The following SREBF2 variants were observed in gnomAD, a reference collection of about 807,000 sequenced individuals.
The protein encoded by SREBF2 is sterol regulatory element binding transcription factor 2, also known as sterol regulatory element-binding protein 2.
Under a neutral mutation model 113.1 loss-of-function variants are expected in SREBF2, and 55 were observed. That is an observed-to-expected ratio of 0.49 (90% CI 0.39 to 0.61). SREBF2 has a LOEUF of 0.61. SREBF2 is among the 20% of genes least tolerant of loss of function. The pLI is 0.00. For synonymous variants in SREBF2, 593 were observed against 605.7 expected, an observed-to-expected ratio of 0.98 and a Z score of 0.31; for missense variants, 1,349 against 1,487.4, an observed-to-expected ratio of 0.91 and a Z score of 1.53.
intron 1 of SREBF2, among the ~76,000 whole-genome samples, chr22:41,840,253 C>T (rs1301940621): frequency 1.3e-5 from 2 of 152,068 alleles, no homozygotes; most frequent in African/African-American, 2.4e-5. Flanking sequence ...CCACCGCGCC[C>T]GGCCCACATG....
At chr22:41,905,083 ACCT>A in intron 18 of SREBF2, 109 bp downstream of exon 18, 1 of 1,038,970 alleles carries the variant, frequency 9.6e-7, no homozygotes, top group Non-Finnish European at 1.4e-6. Context: ...TGCCCAGCAC[ACCT>A]CTCGCCTCTC....
At chr22:41,885,151 G>A (rs548423422) in intron 11 of SREBF2, 140 bp downstream of exon 11, 18 of 1,067,218 alleles carry the variant, frequency 1.7e-5, no homozygotes, top group East Asian at 5.2e-5. Flanking sequence ...TCATTCAGTC[G>A]CTCATTTCAC....
Position 41,852,817 on chromosome 22 carries a change from A to G in SREBF2, c.89-14014A>G, listed in dbSNP as rs143024063. Among the ~76,000 whole-genome samples the G allele has an allele frequency of 5.3e-3, 715 of 135,738 alleles. 8 individuals carry two copies. The highest frequency in any genetic ancestry group is 0.017 in the African/African-American group (626 of 36,254). The allele number at this position is 135,738 out of a possible 152,430, so 89.0% of individuals were successfully genotyped here. On this transcript the variant is annotated intron_variant, in intron 1 of 18. Coordinates refer to ENST00000361204, the MANE Select transcript of SREBF2 (RefSeq NM_004599.4). ...TTTGCCTAGGCTGGAGTGCAGTGGC[A>G]CAGTCTCAGCTCACTGCACCCTCCA...
At chr22:41,844,489 T>G (rs1391070457) in intron 1 of SREBF2, among the ~76,000 whole-genome samples, 1 of 152,186 alleles carries the variant, frequency 6.6e-6, no homozygotes, top group African/African-American at 2.4e-5. Context: ...CATGATGGAA[T>G]TTTTTAGAGT....
chr22:41,843,560 G>T (rs1336237464), intron 1 of SREBF2, among the ~76,000 whole-genome samples: 1 of 152,162 alleles, frequency 6.6e-6, no homozygotes, highest in Non-Finnish European at 1.5e-5. Context: ...ATGGAACAGT[G>T]GCCTAAATCC....
At chr22:41,879,592 G>A (rs2077227074) in intron 9 of SREBF2, among the ~76,000 whole-genome samples, 2 of 152,216 alleles carry the variant, frequency 1.3e-5, no homozygotes, top group South Asian at 2.1e-4. Context: ...GCAAATGCAG[G>A]TCCTTCTGGC....
At chr22:41,894,690 G>T in intron 12 of SREBF2, 130 bp from the exon 13 acceptor site, 2 of 823,136 alleles carry the variant, frequency 2.4e-6, no homozygotes, top group Non-Finnish European at 4.3e-6. Context: ...AGTAGTTCTG[G>T]GCTTTGGTGG....
rs889778163 is a variant in SREBF2 at position 41,893,019 on chromosome 22, C to T, written c.2209-98C>T. 2.7e-6 allele frequency: 4 copies of T among 1,455,420 alleles called. No individual in the cohort carries two copies. The Admixed American group carries it at 5.0e-5, about 18-fold the overall frequency. 90.2% of individuals were successfully genotyped at this position (1,455,420 alleles called of 1,614,324 possible). A position where few individuals can be genotyped will look rare whatever the true frequency, so the allele number is the denominator to read the frequency against. ...TGTGCTGATCTTTCCCAGTCTCCCC[C>T]AAAGCCCACCTCCACCATGGTGCTT... On this transcript the variant is annotated intron_variant, in intron 11 of 18. Transcript: ENST00000361204.
chr22:41,868,820 G>T (rs944408091), intron 3 of SREBF2, 28 bp downstream of exon 3: 1 of 1,583,250 alleles, frequency 6.3e-7, no homozygotes, highest in Admixed American at 1.8e-5. Flanking sequence ...ATTCAGGGAG[G>T]CACTGGTTGG....
rs373680115 is a variant in SREBF2 at position 41,875,572 on chromosome 22, C to T, written c.1234C>T (p.Leu412=). ...TCTAAAGGGCATCGACCTAGGCAGT[C>T]TGGTGGACAATGAGGTGGACCTGAA... ...KLLKGIDLGS[L]VDNEVDLKIE... The change falls in exon 7 of 19, where the codon CTG becomes TTG. Residue 412 remains leucine, a synonymous_variant. Coordinates refer to ENST00000361204, the MANE Select transcript of SREBF2 (RefSeq NM_004599.4). 6.2e-7 allele frequency: 1 copy of T among 1,614,230 alleles called. No individual in the cohort carries two copies.
rs1256665685 is a variant in SREBF2, at chr22:41,833,249, G to T, written c.-22G>T. On this transcript the variant is annotated 5_prime_UTR_variant, in exon 1 of 19. Coordinates refer to ENST00000361204, the MANE Select transcript of SREBF2 (RefSeq NM_004599.4). The surrounding 1 kb of genome is among the most constrained non-coding windows in gnomAD (Gnocchi z 4.1). ...TCTCCCTGAGCGGGACGGCAGGGGG[G>T]GCTTCTGCGCTGAGCCGGGCGATGG... The T allele has an allele frequency of 6.6e-6, 10 of 1,514,496 alleles. No homozygotes were observed. Among genetic ancestry groups the T allele is most frequent in the African/African-American group, 4.3e-5 (3 of 69,752 alleles). 93.8% of individuals were successfully genotyped at this position (1,514,496 alleles called of 1,614,324 possible). A position where few individuals can be genotyped will look rare whatever the true frequency, so the allele number is the denominator to read the frequency against.
At position 41,833,269 on chromosome 22, in the gene SREBF2, C is replaced by A; in HGVS notation, c.-2C>A. On this transcript the variant is annotated 5_prime_UTR_variant, in exon 1 of 19. Transcript: ENST00000361204. The surrounding 1 kb of genome is among the most constrained non-coding windows in gnomAD (Gnocchi z 4.1). The stretch of plus-strand genomic sequence containing the variant: ...GGGGGGGCTTCTGCGCTGAGCCGGG[C>A]GATGGACGACAGCGGCGAGCTGGGT... The A allele has an allele frequency of 1.3e-6, 2 of 1,518,736 alleles. No individual in the cohort carries two copies. The highest frequency in any genetic ancestry group is 1.8e-6 in the Non-Finnish European group (2 of 1,132,506). 94.1% of individuals were successfully genotyped at this position (1,518,736 alleles called of 1,614,324 possible). A position where few individuals can be genotyped will look rare whatever the true frequency, so the allele number is the denominator to read the frequency against.
Position 41,833,151 on chromosome 22 carries a change from C to T in SREBF2, c.-120C>T. ...GCAACGCAAACATGGCGGCGGGTGG[C>T]ACCCGTCGGTGAGGCGGTGCCGGGC... On this transcript the variant is annotated 5_prime_UTR_variant, in exon 1 of 19. Transcript: ENST00000361204. This position sits in a 1 kb window ranked among gnomAD's most constrained non-coding sequence, Gnocchi z 4.1. 2.8e-6 allele frequency: 2 copies of T among 713,968 alleles called. No homozygotes were observed. The highest frequency in any genetic ancestry group is 4.2e-6 in the Non-Finnish European group (2 of 478,608). The allele number at this position is 713,968 out of a possible 1,614,324, so 44.2% of individuals were successfully genotyped here.
At chr22:41,836,014 C>A (rs182187331) in intron 1 of SREBF2, among the ~76,000 whole-genome samples, 4 of 152,370 alleles carry the variant, frequency 2.6e-5, no homozygotes, top group African/African-American at 9.6e-5. Flanking sequence ...AACTACCACC[C>A]TCTGGAAACT....
At chr22:41,865,500 G>C (rs1250083944) in intron 1 of SREBF2, among the ~76,000 whole-genome samples, 1 of 152,224 alleles carries the variant, frequency 6.6e-6, no homozygotes, top group East Asian at 1.9e-4. Flanking sequence ...TGATGGGGTA[G>C]TTGTGGGTTA....
intron 1 of SREBF2, among the ~76,000 whole-genome samples, chr22:41,852,182 G>GT (rs1324014030): frequency 1.3e-5 from 2 of 150,808 alleles, no homozygotes; most frequent in East Asian, 3.9e-4. Flanking sequence ...AAGGAGGGAG[G>GT]GAGGCAGGGA....
intron 1 of SREBF2, among the ~76,000 whole-genome samples, chr22:41,846,822 C>T (rs1370281603): frequency 6.6e-6 from 1 of 152,206 alleles, no homozygotes; most frequent in African/African-American, 2.4e-5. Context: ...TTTCTCTGCT[C>T]TCTGACAGCC....
rs1170857801 is a variant in SREBF2, at chr22:41,884,981, C to G, written c.2178C>G (p.Thr726=). 3 of 1,614,136 alleles carry G rather than the reference C, an allele frequency of 1.9e-6. No individual in the cohort carries two copies. Among genetic ancestry groups the G allele is most frequent in the Middle Eastern group, 1.7e-4 (1 of 6,058 alleles). The change falls in exon 11 of 19, where the codon ACC becomes ACG. Residue 726 remains threonine, a synonymous_variant. Coordinates refer to ENST00000361204, the MANE Select transcript of SREBF2 (RefSeq NM_004599.4). ...IHLTAAMGLK[T]RCGGKLGFLA... is the part of the protein sequence containing the mutation. ...TGACTGCTGCCATGGGGCTCAAGAC[C>G]CGGTGTGGAGGCAAGCTGGGCTTCC...
intron 1 of SREBF2, among the ~76,000 whole-genome samples, chr22:41,844,035 C>CAT (rs1198540674): frequency 2.2e-5 from 3 of 134,140 alleles, no homozygotes; most frequent in African/African-American, 9.8e-5. Context: ...AAAATACATA[C>CAT]ACACACACAC....
Sources: allele counts gnomAD v4.1 joint callset (sites outside exome capture counted in the v4.1 genomes callset), GRCh38; gene constraint gnomAD v4.1.1; non-coding constraint Gnocchi (gnomAD v3.1); transcripts MANE v1.5; gene names NCBI Gene and HGNC (gene_info 2026-07-23, HGNC 2026-07-21).